Variants in ABCA13 observed in about 807,000 individuals in gnomAD.
The protein encoded by ABCA13 is ATP binding cassette subfamily A member 13, also known as ATP-binding cassette sub-family A member 13.
In ABCA13, 476 loss-of-function variants were observed where a neutral mutation model predicts 478.7. The ratio of observed to expected loss-of-function variants is 0.99; its 90% CI spans 0.92 to 1.07. ABCA13 has a LOEUF of 1.07. Ranked by LOEUF, ABCA13 falls within the 50% of genes least tolerant of loss-of-function variation. The pLI is 0.00. For missense variants in ABCA13, 6,060 were observed against 5,910.6 expected, an observed-to-expected ratio of 1.03 and a Z score of -0.83; for synonymous variants, 2,252 against 2,158.9, an observed-to-expected ratio of 1.04 and a Z score of -1.20.
At position 48,644,670 on chromosome 7, in the gene ABCA13, A is replaced by C; in HGVS notation, c.14997A>C (p.Leu4999=). ...EYHVPKRWGC[L]ADLFKVIENN... is the part of the protein sequence containing the mutation. ...ATGTGCCAAAAAGATGGGGATGCCT[A>C]GCTGACTTGTTCAAAGTTATAGAGA... Residue 4999 remains leucine (L), a synonymous_variant, in exon 61 of 62, where the codon CTA becomes CTC. Transcript: ENST00000435803. The C allele has an allele frequency of 1.2e-6, 2 of 1,610,530 alleles. No individual in the cohort carries two copies. The highest frequency in any genetic ancestry group is 2.2e-5 in the South Asian group (2 of 90,772).
intron 19 of ABCA13, among the ~76,000 whole-genome samples, chr7:48,286,486 CCCTTCCTTCCTT>C (rs60849653): frequency 3.1e-4 from 46 of 149,190 alleles, no homozygotes; most frequent in Admixed American, 8.0e-4. Context: ...ACTGTTTTTT[CCCTTCCTTCCTT>C]CCTTCCTTCC....
rs933986999 is a variant in ABCA13, at chr7:48,647,476, G to T, written c.*1964G>T. 7.2e-5 allele frequency: 11 copies of T among 152,174 alleles called. No individual in the cohort carries two copies. The highest frequency in any genetic ancestry group is 1.5e-4 in the Non-Finnish European group (10 of 68,038). 9.4% of individuals were successfully genotyped at this position (152,174 alleles called of 1,614,324 possible). A position where few individuals can be genotyped will look rare whatever the true frequency, so the allele number is the denominator to read the frequency against. The stretch of plus-strand genomic sequence containing the variant: ...TGTTTAAACTGCAGTGAATAAATGA[G>T]ATGTGCTTTAATTTAACCCGATTTT... On this transcript the variant is annotated 3_prime_UTR_variant, in exon 62 of 62. Transcript: ENST00000435803.
chr7:48,614,993 A>G (rs901915082), intron 58 of ABCA13, among the ~76,000 whole-genome samples: 13 of 150,400 alleles, frequency 8.6e-5, no homozygotes, highest in Non-Finnish European at 1.9e-4. Flanking sequence ...TATGTAACAA[A>G]CCTGCACATT....
chr7:48,390,451 T>C (rs754372115), intron 37 of ABCA13, among the ~76,000 whole-genome samples: 3 of 152,184 alleles, frequency 2.0e-5, no homozygotes, highest in Non-Finnish European at 4.4e-5. Flanking sequence ...TTGAAAATAA[T>C]ATAGCAAAGA....
intron 5 of ABCA13, among the ~76,000 whole-genome samples, chr7:48,225,236 C>CCCTT (rs1314691157): frequency 7.1e-6 from 1 of 141,692 alleles, no homozygotes; most frequent in African/African-American, 2.6e-5. Context: ...CTCCCTCCCT[C>CCCTT]CCTTCCATCT....
intron 55 of ABCA13, among the ~76,000 whole-genome samples, chr7:48,550,265 C>CTTTT (rs57540403): frequency 1.3e-5 from 2 of 148,330 alleles, no homozygotes; most frequent in African/African-American, 5.0e-5. Flanking sequence ...CTCTATTTTT[C>CTTTT]TTTTTTTTGG....
rs370043997 is a variant in ABCA13, at chr7:48,594,729, T to C, written c.14660T>C (p.Met4887Thr). Reference sequence around the variant, plus strand: ...CTTCAGGATGAGCCCAGCTCTGGGATGGATCCCTGCTCTAAGCGGTACCTG... The same window carrying C: ...CTTCAGGATGAGCCCAGCTCTGGGACGGATCCCTGCTCTAAGCGGTACCTG... ...ILLLDEPSSG[M>T]DPCSKRYLWQ... is the part of the protein sequence containing the mutation. Residue 4887 changes from methionine to threonine, a missense_variant, in exon 58 of 62, where the codon ATG becomes ACG. Physicochemically the swap from Met to Thr is moderately conservative, Grantham distance 81. Coordinates refer to ENST00000435803, the MANE Select transcript of ABCA13 (RefSeq NM_152701.5). 1.5e-5 allele frequency: 24 copies of C among 1,613,960 alleles called. No individual in the cohort carries two copies. Among genetic ancestry groups the C allele is most frequent in the Non-Finnish European group, 1.8e-5 (21 of 1,179,824 alleles).
chr7:48,511,960 CA>C (rs1234107208), intron 51 of ABCA13, among the ~76,000 whole-genome samples: 4 of 151,974 alleles, frequency 2.6e-5, no homozygotes, highest in African/African-American at 9.7e-5. Flanking sequence ...TAGAATTATT[CA>C]AAACATCTAA....
intron 4 of ABCA13, among the ~76,000 whole-genome samples, chr7:48,220,901 T>G (rs1366613254): frequency 6.6e-6 from 1 of 152,176 alleles, no homozygotes; most frequent in Non-Finnish European, 1.5e-5. Context: ...ATAATTTCAC[T>G]TTTTTCTCTT....
At chr7:48,352,056 T>A in intron 30 of ABCA13, 125 bp from the exon 31 acceptor site, 1 of 911,696 alleles carries the variant, frequency 1.1e-6, no homozygotes, top group South Asian at 2.2e-5. Context: ...GGGCTCTGAG[T>A]CTGCAGGAGT....
chr7:48,637,912 T>TA (rs111843722), intron 59 of ABCA13, among the ~76,000 whole-genome samples: 7 of 152,314 alleles, frequency 4.6e-5, no homozygotes, highest in African/African-American at 1.7e-4. Context: ...GCAGGGGTGT[T>TA]AGAGTCAGTG....
chr7:48,193,844 T>G (rs1797473623), intron 2 of ABCA13, among the ~76,000 whole-genome samples: 2 of 43,028 alleles, frequency 4.6e-5, no homozygotes, highest in South Asian at 1.7e-3. Context: ...ATGATGAAGA[T>G]GATGATAGTG....
chr7:48,483,180 A>C lies in ABCA13; in HGVS notation c.13182+17A>C, dbSNP rs753857065. 1 of 1,592,452 alleles carries C rather than the reference A, an allele frequency of 6.3e-7. No individual in the cohort carries two copies. The highest frequency in any genetic ancestry group is 8.6e-7 in the Non-Finnish European group (1 of 1,167,950). ...CTGGCAAAGGTAATCATATTTTTTT[A>C]TTTTTTTCCTGTTTTAGAAAGTATT... On this transcript the variant is annotated intron_variant, in intron 47 of 61. Coordinates refer to ENST00000435803, the MANE Select transcript of ABCA13 (RefSeq NM_152701.5).
intron 1 of ABCA13, among the ~76,000 whole-genome samples, chr7:48,174,477 TC>T (rs1256315946): frequency 6.6e-6 from 1 of 152,122 alleles, no homozygotes; most frequent in Non-Finnish European, 1.5e-5. Context: ...TATTATAGAT[TC>T]AAACAAAAAT....
chr7:48,322,986 G>T (rs1220381754), intron 27 of ABCA13, among the ~76,000 whole-genome samples: 1 of 152,072 alleles, frequency 6.6e-6, no homozygotes, highest in African/African-American at 2.4e-5. Context: ...TCAGTACGAG[G>T]GCTGTGATTC....
chr7:48,580,091 C>G, intron 55 of ABCA13, 133 bp from the exon 56 acceptor site: 6 of 975,070 alleles, frequency 6.2e-6, no homozygotes, highest in Non-Finnish European at 7.2e-6. Context: ...TGAAATGAAC[C>G]TATTATTGTG....
At chr7:48,488,236 G>T (rs919031616) in intron 47 of ABCA13, among the ~76,000 whole-genome samples, 79 of 142,112 alleles carry the variant, frequency 5.6e-4, no homozygotes, top group Non-Finnish European at 9.5e-4. Context: ...GTAGGGTTTT[G>T]TTTTTTTTTT....
At chr7:48,405,551 G>C (rs934171415) in intron 39 of ABCA13, among the ~76,000 whole-genome samples, 1 of 152,198 alleles carries the variant, frequency 6.6e-6, no homozygotes. Flanking sequence ...AACAATTTGC[G>C]CACTACCCTG....
chr7:48,341,170 CT>C (rs750960582), intron 29 of ABCA13, among the ~76,000 whole-genome samples: 4 of 152,180 alleles, frequency 2.6e-5, no homozygotes, highest in Non-Finnish European at 5.9e-5. Flanking sequence ...CCATGTTTCC[CT>C]TTTCCTAGAG....
Sources: allele counts gnomAD v4.1 joint callset (sites outside exome capture counted in the v4.1 genomes callset), GRCh38; gene constraint gnomAD v4.1.1; transcripts MANE v1.5; gene names NCBI Gene and HGNC (gene_info 2026-07-23, HGNC 2026-07-21).